Variants in DOCK7 observed in about 807,000 individuals in gnomAD.
DOCK7 encodes the protein dedicator of cytokinesis protein 7.
In DOCK7, 138 loss-of-function variants were observed where a neutral mutation model predicts 271.0. The observed-to-expected ratio is 0.51, with a 90% CI of 0.44 to 0.59. DOCK7 has a LOEUF of 0.59. Among genes scored for constraint, DOCK7 ranks in the 20% least tolerant of loss-of-function variants. The pLI is 0.00. For synonymous variants in DOCK7, 823 were observed against 876.1 expected, an observed-to-expected ratio of 0.94 and a Z score of 1.07; for missense variants, 2,066 against 2,592.4, an observed-to-expected ratio of 0.80 and a Z score of 4.41.
Position 62,583,173 on chromosome 1 carries a change from G to A in DOCK7, c.1871+11C>T. 6.2e-7 allele frequency: 1 copy of A among 1,600,530 alleles called. No homozygotes were observed. The highest frequency in any genetic ancestry group is 8.6e-7 in the Non-Finnish European group (1 of 1,169,062). On this transcript the variant is annotated intron_variant, in intron 16 of 49. Coordinates refer to ENST00000635253, the MANE Select transcript of DOCK7 (RefSeq NM_001367561.1). Reference sequence around the variant, plus strand: ...GTGAGTAACTTTGAAAGAAATATTTGAATTCAGTACCTGTTATGATATACT... The same window carrying A: ...GTGAGTAACTTTGAAAGAAATATTTAAATTCAGTACCTGTTATGATATACT...
At chr1:62,669,948 G>C (rs1230624048) in intron 1 of DOCK7, among the ~76,000 whole-genome samples, 1 of 152,242 alleles carries the variant, frequency 6.6e-6, no homozygotes, top group African/African-American at 2.4e-5. Flanking sequence ...CTGGAGTTCC[G>C]GGTGGGCGTG....
chr1:62,583,259 A>G lies in DOCK7; in HGVS notation c.1801-5T>C. On this transcript the variant is annotated splice_polypyrimidine_tract_variant and splice_region_variant and intron_variant, in intron 15 of 49. Coordinates refer to ENST00000635253, the MANE Select transcript of DOCK7 (RefSeq NM_001367561.1). Reference sequence around the variant, plus strand: ...GCTAGATTTACCAAAGATTACCTGAAACAAATAACAGCATGTTGAAACTTT... The same window carrying G: ...GCTAGATTTACCAAAGATTACCTGAGACAAATAACAGCATGTTGAAACTTT... The G allele has an allele frequency of 6.2e-7, 1 of 1,611,296 alleles. No individual in the cohort carries two copies. The highest frequency in any genetic ancestry group is 8.5e-7 in the Non-Finnish European group (1 of 1,177,954).
Position 62,577,037 on chromosome 1 carries a change from G to A in DOCK7, c.2112+225C>T, listed in dbSNP as rs566426337. On this transcript the variant is annotated intron_variant, in intron 18 of 49. Transcript: ENST00000635253. ...CCATGTATTATTTTGGTTTTAAAATGAGGATATTTACATTTAAAATGAAAT... is the reference window on the plus strand; with the variant it reads ...CCATGTATTATTTTGGTTTTAAAATAAGGATATTTACATTTAAAATGAAAT... Among the ~76,000 whole-genome samples the A allele has an allele frequency of 6.4e-4, 97 of 152,186 alleles. 1 individual carries two copies. In the South Asian group the frequency reaches 0.02, roughly 31 times the overall value.
rs1571183873 is a variant in DOCK7, at chr1:62,463,948, T to C, written c.6213-6243A>G. On this transcript the variant is annotated intron_variant, in intron 48 of 49. Coordinates refer to ENST00000635253, the MANE Select transcript of DOCK7 (RefSeq NM_001367561.1). ...TCCTATTCTTTAACAGCAAATGTTATAAATATTATTTTCAATCTATTCAAG... is the reference window on the plus strand; with the variant it reads ...TCCTATTCTTTAACAGCAAATGTTACAAATATTATTTTCAATCTATTCAAG... 2.6e-5 allele frequency among the ~76,000 whole-genome samples: 4 copies of C among 152,336 alleles called. No individual in the cohort carries two copies. In the East Asian group the frequency reaches 5.8e-4, roughly 22 times the overall value.
At chr1:62,533,467 G>C (rs894509387) in intron 29 of DOCK7, among the ~76,000 whole-genome samples, 1 of 151,262 alleles carries the variant, frequency 6.6e-6, no homozygotes, top group African/African-American at 2.4e-5. Context: ...ACAGTCATTT[G>C]TCAAATGGCA....
chr1:62,455,554 G>T, intron 49 of DOCK7, 98 bp from the exon 50 acceptor site: 1 of 1,152,354 alleles, frequency 8.7e-7, no homozygotes, highest in Non-Finnish European at 1.3e-6. Flanking sequence ...TTACCTTAAA[G>T]TTTTGCCACC....
At chr1:62,532,196 A>G (rs1330567533) in intron 29 of DOCK7, among the ~76,000 whole-genome samples, 1 of 151,796 alleles carries the variant, frequency 6.6e-6, no homozygotes, top group African/African-American at 2.4e-5. Flanking sequence ...CACCATGCCC[A>G]AGTAATTTTT....
chr1:62,663,043 A>G lies in DOCK7; in HGVS notation c.126T>C (p.Asn42=), dbSNP rs1658851677. The G allele has an allele frequency of 6.2e-7, 1 of 1,613,494 alleles. No homozygotes were observed. The highest frequency in any genetic ancestry group is 8.5e-7 in the Non-Finnish European group (1 of 1,179,532). Residue 42 remains asparagine, a synonymous_variant, in exon 2 of 50, where the codon AAT becomes AAC. Coordinates refer to ENST00000635253, the MANE Select transcript of DOCK7 (RefSeq NM_001367561.1). The stretch of plus-strand genomic sequence containing the variant: ...TACTTACTGTGGTGTGATGGGATAT[A>G]TTGCCAACAATATTAAGGTTTTTGA... ...QLLKNLNIVG[N]ISHHTTVPLT...
At chr1:62,494,199 A>G in intron 40 of DOCK7, 76 bp downstream of exon 40, 1 of 1,329,322 alleles carries the variant, frequency 7.5e-7, no homozygotes, top group African/African-American at 1.5e-5. Context: ...AACTAAAAAA[A>G]TCTAAACACC....
chr1:62,539,530 C>A lies in DOCK7; in HGVS notation c.3300+15G>T, dbSNP rs145276116. ...TAAATTATTTGATTACTAATTATTC[C>A]TAACTATGCATTACCTGTTTATAGC... On this transcript the variant is annotated intron_variant, in intron 27 of 49. Transcript: ENST00000635253. The A allele has an allele frequency of 1.3e-6, 2 of 1,562,354 alleles. No homozygotes were observed.
chr1:62,585,269 A>G (rs1003604640), intron 15 of DOCK7, among the ~76,000 whole-genome samples: 1 of 152,200 alleles, frequency 6.6e-6, no homozygotes, highest in African/African-American at 2.4e-5. Flanking sequence ...AACTGAGGCA[A>G]TAGGGTAGAT....
rs749725164 is a variant in DOCK7, at chr1:62,529,334, A to G, written c.3724T>C (p.Tyr1242His). 1 of 1,613,580 alleles carries G rather than the reference A, an allele frequency of 6.2e-7. No homozygotes were observed. The highest frequency in any genetic ancestry group is 1.7e-5 in the Admixed American group (1 of 59,798). The change falls in exon 30 of 50, where the codon TAT (tyrosine) becomes CAT (histidine). Residue 1242 changes from tyrosine to histidine, a missense_variant. Physicochemically the swap from Tyr to His is moderately conservative, Grantham distance 83. This residue lies in a region of DOCK7 where 1,414 missense variants were observed against 1,670.4 expected (regional missense o/e 0.85). Transcript: ENST00000635253. ...ATGATAATACCAATCAGAGGTAGAT[A>G]CAACATGGCCACTCGAGCCTTTATC... ...PQIKARVAML[Y>H]LPLIGIIMET...
At chr1:62,640,760 G>A (rs768154740) in intron 7 of DOCK7, among the ~76,000 whole-genome samples, 46 of 152,076 alleles carry the variant, frequency 3.0e-4, no homozygotes, top group Non-Finnish European at 6.2e-4. Flanking sequence ...TGACCAGGTG[G>A]GAAGTTAAAA....
chr1:62,549,025 A>C (rs1356567096), intron 22 of DOCK7, among the ~76,000 whole-genome samples: 1 of 152,214 alleles, frequency 6.6e-6, no homozygotes, highest in Non-Finnish European at 1.5e-5. Flanking sequence ...ATGGAACCTG[A>C]TAAGCTGACC....
intron 2 of DOCK7, among the ~76,000 whole-genome samples, chr1:62,659,871 G>A (rs1039926541): frequency 3.3e-5 from 5 of 152,124 alleles, no homozygotes; most frequent in African/African-American, 9.7e-5. Context: ...AAATGTGTAT[G>A]TACTAAATAA....
At chr1:62,488,373 AG>A (rs1251339989) in intron 42 of DOCK7, 1 of 153,248 alleles carries the variant, frequency 6.5e-6, no homozygotes, top group East Asian at 1.9e-4. Flanking sequence ...ACAAAGATTA[AG>A]TAATGAAATA....
intron 12 of DOCK7, among the ~76,000 whole-genome samples, chr1:62,621,587 G>C (rs1039326057): frequency 1.3e-5 from 2 of 152,082 alleles, no homozygotes; most frequent in Non-Finnish European, 2.9e-5. Context: ...CAAGGATATA[G>C]AATTGATCTT....
chr1:62,681,279 A>G (rs1156816643), intron 1 of DOCK7, among the ~76,000 whole-genome samples: 2 of 151,378 alleles, frequency 1.3e-5, no homozygotes, highest in South Asian at 2.1e-4. Flanking sequence ...GCAAACTATC[A>G]CAAGGACAGA....
At chr1:62,613,447 T>A (rs1351376659) in intron 14 of DOCK7, among the ~76,000 whole-genome samples, 1 of 152,094 alleles carries the variant, frequency 6.6e-6, no homozygotes, top group Non-Finnish European at 1.5e-5. Flanking sequence ...AACGACAGAG[T>A]TTGTTATTTA....
Sources: allele counts gnomAD v4.1 joint callset (sites outside exome capture counted in the v4.1 genomes callset), GRCh38; gene constraint gnomAD v4.1.1; regional missense constraint gnomAD v4.1.1; transcripts MANE v1.5; gene names NCBI Gene and HGNC (gene_info 2026-07-23, HGNC 2026-07-21).